Variants in RNF212 observed in about 807,000 individuals in gnomAD.
RNF212 encodes ring finger protein 212, also known as probable E3 SUMO-protein ligase RNF212.
A neutral mutation model predicts 34.7 loss-of-function variants in RNF212; 33 were observed. The observed-to-expected ratio is 0.95, with a 90% CI of 0.72 to 1.27. The LOEUF is 1.27. Ranked by LOEUF, RNF212 falls within the 50% of genes most tolerant of loss-of-function variation. RNF212 has a pLI of 0.00. For missense variants in RNF212, 377 were observed against 362.2 expected (o/e 1.04, Z -0.33); for synonymous variants, 140 against 136.1 (o/e 1.03, Z -0.20).
intron 3 of RNF212, among the ~76,000 whole-genome samples, chr4:1,094,484 C>T (rs633954): frequency 0.18 from 28,106 of 152,058 alleles, 4,226 homozygotes; most frequent in African/African-American, 0.42. Flanking sequence ...ATGGACAAGC[C>T]GCAACTGAGA....
rs551388450 is a variant in RNF212 at position 1,102,060 on chromosome 4, G to C, written c.172-5221C>G. Among the ~76,000 whole-genome samples the C allele has an allele frequency of 4.6e-5, 7 of 152,014 alleles. No individual in the cohort carries two copies. In the South Asian group the frequency reaches 1.2e-3, roughly 27 times the overall value. On this transcript the variant is annotated intron_variant, in intron 2 of 9. Transcript: ENST00000433731. The stretch of plus-strand genomic sequence containing the variant: ...AGTATCATCAAATACATATACTGCA[G>C]GCAAAAATGAACACAGAAGGGAAGT...
chr4:1,073,585 G>A lies in RNF212; in HGVS notation c.574+14C>T, dbSNP rs1336402859. 1 of 1,563,570 alleles carries A rather than the reference G, an allele frequency of 6.4e-7. No homozygotes were observed. Among genetic ancestry groups the A allele is most frequent in the Non-Finnish European group, 8.8e-7 (1 of 1,134,358 alleles). ...TGCATGTATCGGTCTGAGGTTACAG[G>A]ACATTTTACTTACCCATTCGTCCAT... is the stretch of plus-strand genomic sequence containing the variant. On this transcript the variant is annotated intron_variant, in intron 9 of 9. Coordinates refer to ENST00000433731, the MANE Select transcript of RNF212 (RefSeq NM_001131034.4).
chr4:1,057,564 A>G (rs966610994), intron 4 of RNF212, among the ~76,000 whole-genome samples: 1 of 152,124 alleles, frequency 6.6e-6, no homozygotes, highest in Non-Finnish European at 1.5e-5. Context: ...CCATTAATTT[A>G]CACACTGCCT....
At chr4:1,075,456 C>A (rs551172258) in intron 8 of RNF212, among the ~76,000 whole-genome samples, 2 of 152,174 alleles carry the variant, frequency 1.3e-5, no homozygotes, top group Non-Finnish European at 2.9e-5. Context: ...GCAGGGCGAG[C>A]AGGCAAGAGA....
Position 1,096,776 on chromosome 4 carries a change from C to G in RNF212, c.235G>C (p.Glu79Gln). 6.2e-7 allele frequency: 1 copy of G among 1,613,540 alleles called. No individual in the cohort carries two copies. The highest frequency in any genetic ancestry group is 8.5e-7 in the Non-Finnish European group (1 of 1,179,400). Residue 79 changes from glutamate (E) to glutamine (Q), a missense_variant, in exon 3 of 10, where the codon GAA (glutamate) becomes CAA (glutamine). By Grantham distance (29) the Glu-to-Gln change is conservative (BLOSUM62 2). Transcript: ENST00000433731. ...CCCTCACAGCTCACCTGGGAGGTTT[C>G]CCTGGAGTACTTCTTACACAGACTG... ...IDSLCKKYSR[E>Q]TSQILEFQEK...
At chr4:1,064,713 G>A (rs7685541) in intron 3 of RNF212, among the ~76,000 whole-genome samples, 123,163 of 151,930 alleles carry the variant, frequency 0.81, 50,628 homozygotes, top group African/African-American at 0.94. Flanking sequence ...ATACATTCCT[G>A]ATGCTGTGCA....
At chr4:1,079,719 G>T in intron 7 of RNF212, 31 bp from the exon 8 acceptor site, 1 of 1,550,876 alleles carries the variant, frequency 6.4e-7, no homozygotes, top group Non-Finnish European at 8.9e-7. Context: ...GGCTTTGAGT[G>T]AGCCCAGGAC....
intron 3 of RNF212, among the ~76,000 whole-genome samples, chr4:1,092,161 T>A (rs1313242887): frequency 6.6e-6 from 1 of 152,206 alleles, no homozygotes. Context: ...GCTTCACATG[T>A]TCGTGGAGGA....
intron 1 of RNF212, among the ~76,000 whole-genome samples, chr4:1,111,525 C>A (rs1026457889): frequency 1.3e-5 from 2 of 152,126 alleles, no homozygotes; most frequent in East Asian, 1.9e-4. Context: ...AGCAGTGAAA[C>A]CCTGTCCAGT....
intron 2 of RNF212, among the ~76,000 whole-genome samples, chr4:1,102,988 CA>C (rs35322395): frequency 0.62 from 90,526 of 145,404 alleles, 29,064 homozygotes; most frequent in Admixed American, 0.71. Context: ...TAAAAAAATA[CA>C]AAAAAAAAAA....
intron 5 of RNF212, chr4:1,085,670 C>T: frequency 3.5e-6 from 2 of 578,262 alleles, no homozygotes; most frequent in South Asian, 4.2e-5. Context: ...GCACCTGCCC[C>T]AAGGGGAAAC....
intron 3 of RNF212, among the ~76,000 whole-genome samples, chr4:1,092,197 C>T (rs939537503): frequency 1.3e-5 from 2 of 152,222 alleles, no homozygotes; most frequent in Admixed American, 6.5e-5. Context: ...CGCCTCATCC[C>T]GGCTGTGGGG....
intron 3 of RNF212, among the ~76,000 whole-genome samples, chr4:1,059,174 G>A (rs907453203): frequency 1.7e-4 from 26 of 152,212 alleles, no homozygotes; most frequent in Admixed American, 3.3e-4. Context: ...GGCTTGTGGG[G>A]CAGGAGGCCC....
upstream of RNF212, chr4:1,113,566 C>T: frequency 1.1e-6 from 1 of 926,416 alleles, no homozygotes; most frequent in Non-Finnish European, 1.6e-6. Context: ...CAGCTCTGCG[C>T]CTGCGCAAAG....
At chr4:1,099,823 G>A (rs1723669706) in intron 2 of RNF212, 1 of 456,128 alleles carries the variant, frequency 2.2e-6, no homozygotes, top group African/African-American at 2.0e-5. Flanking sequence ...AGGTCCGACG[G>A]CGCAAGCGGA....
intron 3 of RNF212, chr4:1,093,274 G>A (rs1722479375): frequency 1.5e-6 from 1 of 665,820 alleles, no homozygotes; most frequent in Admixed American, 3.9e-5. Context: ...GGTTTTATCT[G>A]TTGGTATTTA....
intron 8 of RNF212, among the ~76,000 whole-genome samples, chr4:1,079,078 G>C (rs1397238277): frequency 6.6e-6 from 1 of 151,370 alleles, no homozygotes; most frequent in Non-Finnish European, 1.5e-5. Flanking sequence ...GACCAACACA[G>C]GGTCAACACA....
In RNF212 at chr4:1,071,784, C is replaced by T. The variant is rs891769874; in HGVS notation, c.*1090G>A. The T allele has an allele frequency of 6.6e-5, 10 of 152,216 alleles. No individual in the cohort carries two copies. Among genetic ancestry groups the T allele is most frequent in the Admixed American group, 6.5e-5 (1 of 15,282 alleles). The allele number at this position is 152,216 out of a possible 1,614,324, so 9.4% of individuals were successfully genotyped here. The stretch of plus-strand genomic sequence containing the variant: ...ACACTGACATCATCAAATGTGAGGA[C>T]GTGGAGCAACAGGAACTCTCATTCG... On this transcript the variant is annotated 3_prime_UTR_variant, in exon 10 of 10. Coordinates refer to ENST00000433731, the MANE Select transcript of RNF212 (RefSeq NM_001131034.4).
chr4:1,093,370 T>C (rs1722495216), intron 3 of RNF212: 1 of 1,185,072 alleles, frequency 8.4e-7, no homozygotes, highest in South Asian at 1.9e-5. Flanking sequence ...TGTGTTAACA[T>C]ATTGTAACAA....
Sources: gnomAD v4.1 joint callset for allele counts (sites outside exome capture counted in the v4.1 genomes callset) on GRCh38, gnomAD v4.1.1 for gene constraint, MANE v1.5 for transcripts, NCBI Gene and HGNC (gene_info 2026-07-23, HGNC 2026-07-21) for gene names.